CREB5: variants seen among roughly 807,000 people sequenced by gnomAD.
CREB5 encodes cyclic AMP-responsive element-binding protein 5.
CREB5 carries 19 observed loss-of-function variants against 57.1 expected under a neutral mutation model. The ratio of observed to expected loss-of-function variants is 0.33; its 90% CI spans 0.23 to 0.49. The LOEUF (loss-of-function observed/expected upper bound fraction) is 0.49. CREB5 is among the 20% of genes least tolerant of loss of function. CREB5 has a pLI of 0.99. For synonymous variants in CREB5, 238 were observed against 238.3 expected, an observed-to-expected ratio of 1.00 and a Z score of 0.01; for missense variants, 579 against 671.6, an observed-to-expected ratio of 0.86 and a Z score of 1.52.
In CREB5 at chr7:28,786,613, A is replaced by G. The variant is rs143321038; in HGVS notation, c.703-17586A>G. The stretch of plus-strand genomic sequence containing the variant: ...CCCTCTCTTGAAATTCTTTATAGAT[A>G]AAAGATAGGGTGGGGATGGGAGGCA... On this transcript the variant is annotated intron_variant, in intron 7 of 10. Coordinates refer to ENST00000357727, the MANE Select transcript of CREB5 (RefSeq NM_182898.4). Among the ~76,000 whole-genome samples, 147 of 152,312 alleles carry G rather than the reference A, an allele frequency of 9.7e-4. 1 individual carries two copies. Among genetic ancestry groups the G allele is most frequent in the Middle Eastern group, 6.8e-3 (2 of 294 alleles).
At chr7:28,573,425 T>G (rs1321636689) in intron 5 of CREB5, among the ~76,000 whole-genome samples, 2 of 152,192 alleles carry the variant, frequency 1.3e-5, no homozygotes, top group African/African-American at 2.4e-5. Context: ...AATGAAAGTC[T>G]TCATTCAGGC....
At chr7:28,379,765 G>T (rs141295870) in intron 1 of CREB5, among the ~76,000 whole-genome samples, 1 of 152,216 alleles carries the variant, frequency 6.6e-6, no homozygotes, top group South Asian at 2.1e-4. Flanking sequence ...CTAGGTCAAT[G>T]GTTCTCAAAG....
In CREB5 at chr7:28,494,938, T is replaced by C. The variant is rs1474415960; in HGVS notation, c.108T>C (p.His36=). 3 of 1,608,872 alleles carry C rather than the reference T, an allele frequency of 1.9e-6. No individual in the cohort carries two copies. Among genetic ancestry groups the C allele is most frequent in the Middle Eastern group, 1.7e-4 (1 of 6,040 alleles). Reference sequence around the variant, plus strand: ...CAACAGAGGACCATCTGATGATTCATAGGCACAAACATGAAATGACTTTGA... The same window carrying C: ...CAACAGAGGACCATCTGATGATTCACAGGCACAAACATGAAATGACTTTGA... The part of the protein sequence containing the change: ...RFPTEDHLMI[H]RHKHEMTLKF... The change falls in exon 3 of 11, where the codon CAT becomes CAC. Residue 36 remains histidine (H), a synonymous_variant. Transcript: ENST00000357727.
chr7:28,541,721 T>G (rs1794218381), intron 4 of CREB5, among the ~76,000 whole-genome samples: 1 of 152,166 alleles, frequency 6.6e-6, no homozygotes, highest in African/African-American at 2.4e-5. Flanking sequence ...ATCAAAAGAT[T>G]GGCAGTCAGG....
At chr7:28,450,934 C>T (rs528360075) in intron 1 of CREB5, among the ~76,000 whole-genome samples, 1 of 152,130 alleles carries the variant, frequency 6.6e-6, no homozygotes, top group Non-Finnish European at 1.5e-5. Context: ...CCATTCTAGA[C>T]CATTTGCAGG....
chr7:28,803,935 T>A (rs1808534195), intron 7 of CREB5, among the ~76,000 whole-genome samples: 1 of 152,140 alleles, frequency 6.6e-6, no homozygotes, highest in Non-Finnish European at 1.5e-5. Context: ...TGATTCTTGA[T>A]AGGATATCCT....
intron 5 of CREB5, among the ~76,000 whole-genome samples, chr7:28,616,390 T>A (rs1471624610): frequency 6.6e-6 from 1 of 152,202 alleles, no homozygotes; most frequent in Non-Finnish European, 1.5e-5. Context: ...CCTCATCAAC[T>A]CTTTGGTTAC....
chr7:28,429,481 A>G (rs562604485), intron 1 of CREB5, among the ~76,000 whole-genome samples: 33 of 152,352 alleles, frequency 2.2e-4, no homozygotes, highest in Admixed American at 2.1e-3. Context: ...TTAATGTAAT[A>G]CTTTACACTT....
chr7:28,533,557 A>C (rs545269021), intron 4 of CREB5, among the ~76,000 whole-genome samples: 146 of 152,342 alleles, frequency 9.6e-4, no homozygotes, highest in Non-Finnish European at 1.8e-3. Context: ...AGGACATAGC[A>C]TTTTAAAATT....
At chr7:28,524,487 G>A (rs1482183006) in intron 4 of CREB5, among the ~76,000 whole-genome samples, 7 of 152,082 alleles carry the variant, frequency 4.6e-5, no homozygotes, top group African/African-American at 1.7e-4. Context: ...GGGTGACAGA[G>A]CGAGACTCTG....
At chr7:28,520,369 A>G (rs1031396923) in intron 4 of CREB5, among the ~76,000 whole-genome samples, 5 of 152,200 alleles carry the variant, frequency 3.3e-5, no homozygotes, top group African/African-American at 9.7e-5. Context: ...CATATTAGCC[A>G]GTTGGGGCAT....
intron 4 of CREB5, among the ~76,000 whole-genome samples, chr7:28,560,915 C>CGTGCGCGTGCGTGT (rs1795176213): frequency 5.9e-5 from 1 of 16,876 alleles, no homozygotes; most frequent in Non-Finnish European, 1.1e-4. Context: ...CGTGCGTGTG[C>CGTGCGCGTGCGTGT]GTGTGTGCGC....
upstream of CREB5, chr7:28,409,239 G>A (rs1787665892): frequency 6.6e-6 from 1 of 151,120 alleles, no homozygotes; most frequent in South Asian, 2.1e-4. The surrounding 1 kb of genome is among the most constrained non-coding windows in gnomAD (Gnocchi z 4.4). Context: ...CCCTCGACGC[G>A]CCGGCCCCGC....
chr7:28,591,301 G>A (rs112156989), intron 5 of CREB5, among the ~76,000 whole-genome samples: 5 of 152,156 alleles, frequency 3.3e-5, no homozygotes, highest in African/African-American at 1.2e-4. Context: ...TCAAGCAGTC[G>A]GGCTGAGAGG....
intron 1 of CREB5, among the ~76,000 whole-genome samples, chr7:28,383,549 G>A (rs2127996388): frequency 1.3e-5 from 2 of 152,314 alleles, no homozygotes; most frequent in Admixed American, 1.3e-4. Context: ...GGAAGGTGAA[G>A]TGAGAGCAGG....
intron 1 of CREB5, among the ~76,000 whole-genome samples, chr7:28,371,129 C>A (rs1188150116): frequency 6.6e-6 from 1 of 152,150 alleles, no homozygotes; most frequent in Non-Finnish European, 1.5e-5. Flanking sequence ...TGGCAGACAG[C>A]GACAGCTGGG....
At chr7:28,489,409 C>T (rs1010785191) in intron 2 of CREB5, among the ~76,000 whole-genome samples, 1 of 148,364 alleles carries the variant, frequency 6.7e-6, no homozygotes, top group Non-Finnish European at 1.5e-5. Flanking sequence ...ATGCCATTCT[C>T]CTGCCTCAGC....
chr7:28,481,784 A>G (rs1349083946), intron 1 of CREB5, among the ~76,000 whole-genome samples: 2 of 152,206 alleles, frequency 1.3e-5, no homozygotes, highest in African/African-American at 4.8e-5. Flanking sequence ...ACAGACAGAC[A>G]GACATAAGGA....
At chr7:28,303,009 C>A (rs889812003) in intron 1 of CREB5, among the ~76,000 whole-genome samples, 7 of 152,074 alleles carry the variant, frequency 4.6e-5, no homozygotes, top group Non-Finnish European at 8.8e-5. Context: ...TATTGCTAGT[C>A]CTAATCTTGG....
Sources: allele counts gnomAD v4.1 joint callset (sites outside exome capture counted in the v4.1 genomes callset), GRCh38; gene constraint gnomAD v4.1.1; non-coding constraint Gnocchi (gnomAD v3.1); transcripts MANE v1.5; gene names NCBI Gene and HGNC (gene_info 2026-07-23, HGNC 2026-07-21).